The following ULBP2 variants were observed in gnomAD, a reference collection of about 807,000 sequenced individuals.
ULBP2 encodes UL16-binding protein 2.
ULBP2 carries 21 observed loss-of-function variants against 23.6 expected under a neutral mutation model. The ratio of observed to expected loss-of-function variants is 0.89; its 90% CI spans 0.63 to 1.28. ULBP2 has a LOEUF of 1.28. ULBP2 is among the 50% of genes most tolerant of loss of function. The pLI, the probability that ULBP2 is intolerant of heterozygous loss-of-function variation, is 0.00. For missense variants in ULBP2, 251 were observed against 306.0 expected (o/e 0.82, Z 1.34); for synonymous variants, 82 against 112.8 (o/e 0.73, Z 1.73).
chr6:149,943,222 T>C (rs1280729974), intron 1 of ULBP2, among the ~76,000 whole-genome samples: 1 of 152,032 alleles, frequency 6.6e-6, no homozygotes, highest in Admixed American at 6.5e-5. Flanking sequence ...ATCAGGGGAT[T>C]ACAATGTCCC....
At chr6:149,944,399 T>C (rs1778905482) in intron 1 of ULBP2, among the ~76,000 whole-genome samples, 1 of 150,000 alleles carries the variant, frequency 6.7e-6, no homozygotes, top group African/African-American at 2.5e-5. Flanking sequence ...ATTTCCATCA[T>C]TGCACCCTCC....
Position 149,944,140 on chromosome 6 carries a change from C to A in ULBP2, c.86-1169C>A, listed in dbSNP as rs574075148. The stretch of plus-strand genomic sequence containing the variant: ...CCTCACTAGAAACTGGTGTCTTCTT[C>A]TAGTCATGGGTTCAGGGTCTGAGAA... On this transcript the variant is annotated intron_variant, in intron 1 of 4. Coordinates refer to ENST00000367351, the MANE Select transcript of ULBP2 (RefSeq NM_025217.4). Among the ~76,000 whole-genome samples the A allele has an allele frequency of 4.0e-3, 614 of 152,092 alleles. 6 individuals carry two copies. The highest frequency in any genetic ancestry group is 0.013 in the African/African-American group (557 of 41,316).
In ULBP2 at chr6:149,942,049, C is replaced by T. The variant is rs761556259; in HGVS notation, c.-24C>T. 30 of 1,609,658 alleles carry T rather than the reference C, an allele frequency of 1.9e-5. No individual in the cohort carries two copies. Among genetic ancestry groups the T allele is most frequent in the Non-Finnish European group, 2.5e-5 (30 of 1,177,866 alleles). On this transcript the variant is annotated 5_prime_UTR_variant, in exon 1 of 5. Transcript: ENST00000367351. ...CAGGCTCTCCTTCCATCAAGTCTCT[C>T]ATCCCTAGCGCTCTGGGTCCTTAAT...
Position 149,942,619 on chromosome 6 carries a change from A to G in ULBP2, c.85+462A>G, listed in dbSNP as rs370126198. Among the ~76,000 whole-genome samples the G allele has an allele frequency of 4.5e-3, 690 of 151,922 alleles. 3 individuals are homozygous for G. The highest frequency in any genetic ancestry group is 0.015 in the African/African-American group (631 of 41,484). ...ACCACACAAACCCTCCAGCGCCCCCAGGGCTGCGTGCCCTTGAATTTTTCC... is the reference window on the plus strand; with the variant it reads ...ACCACACAAACCCTCCAGCGCCCCCGGGGCTGCGTGCCCTTGAATTTTTCC... On this transcript the variant is annotated intron_variant, in intron 1 of 4. Coordinates refer to ENST00000367351, the MANE Select transcript of ULBP2 (RefSeq NM_025217.4).
intron 2 of ULBP2, among the ~76,000 whole-genome samples, chr6:149,945,932 C>A (rs1421347551): frequency 3.1e-5 from 3 of 95,710 alleles, no homozygotes; most frequent in Non-Finnish European, 3.6e-5. Flanking sequence ...CAGAGTGAGA[C>A]TTTGTCTCAA....
chr6:149,945,343 C>T lies in ULBP2; in HGVS notation c.120C>T (p.Ile40=). ...PHSLCYDITV[I]PKFRPGPRWC... ...CTCTTTGCTATGACATCACCGTCAT[C>T]CCTAAGTTCAGACCTGGACCACGGT... Residue 40 remains isoleucine (I), a synonymous_variant, in exon 2 of 5, where the codon ATC becomes ATT. Coordinates refer to ENST00000367351, the MANE Select transcript of ULBP2 (RefSeq NM_025217.4). The T allele has an allele frequency of 1.9e-6, 3 of 1,611,906 alleles. No homozygotes were observed. Among genetic ancestry groups the T allele is most frequent in the South Asian group, 1.1e-5 (1 of 90,966 alleles).
Position 149,946,361 on chromosome 6 carries a change from G to A in ULBP2, c.350-11G>A. On this transcript the variant is annotated splice_polypyrimidine_tract_variant and intron_variant, in intron 2 of 4. Transcript: ENST00000367351. Reference sequence around the variant, plus strand: ...TCAAGATCAGAGCTGATCTCTCTCTGATGGGGGCAGAACCCCTCACCCTGC... The same window carrying A: ...TCAAGATCAGAGCTGATCTCTCTCTAATGGGGGCAGAACCCCTCACCCTGC... 6.2e-7 allele frequency: 1 copy of A among 1,609,096 alleles called. No individual in the cohort carries two copies. The highest frequency in any genetic ancestry group is 8.5e-7 in the Non-Finnish European group (1 of 1,176,356).
intron 2 of ULBP2, 107 bp from the exon 3 acceptor site, chr6:149,946,265 A>G (rs929917060): frequency 7.0e-7 from 1 of 1,420,604 alleles, no homozygotes; most frequent in Non-Finnish European, 9.6e-7. Context: ...GTCTAGAGGC[A>G]AGGCCAAGAT....
chr6:149,942,143 G>A lies in ULBP2; in HGVS notation c.71G>A (p.Arg24Gln). 4 of 1,610,180 alleles carry A rather than the reference G, an allele frequency of 2.5e-6. No homozygotes were observed. The highest frequency in any genetic ancestry group is 1.7e-4 in the Middle Eastern group (1 of 6,054). ...PLLLLLSGWS[R>Q]AGRADPHSLC... ...CTGCTCCTGCTGTCCGGCTGGTCCC[G>A]GGCTGGGCGAGCCGGTGAGTTCGTG... Residue 24 changes from arginine to glutamine, a missense_variant, in exon 1 of 5, where the codon CGG (arginine) becomes CAG (glutamine). Coordinates refer to ENST00000367351, the MANE Select transcript of ULBP2 (RefSeq NM_025217.4).
At chr6:149,946,304 G>T (rs1437299114) in intron 2 of ULBP2, 68 bp from the exon 3 acceptor site, 4 of 1,547,686 alleles carry the variant, frequency 2.6e-6, no homozygotes, top group Non-Finnish European at 3.5e-6. Context: ...CCAGCAAATT[G>T]TAAGGGGAAC....
rs190602383 is a variant in ULBP2, at chr6:149,946,292, G to A, written c.350-80G>A. 936 of 1,518,356 alleles carry A rather than the reference G, an allele frequency of 6.2e-4. 5 individuals are homozygous for A. In the African/African-American group the frequency reaches 0.011, roughly 18 times the overall value. 94.1% of individuals were successfully genotyped at this position (1,518,356 alleles called of 1,614,324 possible). On this transcript the variant is annotated intron_variant, in intron 2 of 4. Coordinates refer to ENST00000367351, the MANE Select transcript of ULBP2 (RefSeq NM_025217.4). ...GGCCAAGATGTAGCAGAGAGAGTAA[G>A]GCCAGCAAATTGTAAGGGGAACAGG...
rs768508249 is a variant in ULBP2, at chr6:149,946,382, C to T, written c.360C>T (p.Thr120=). The T allele has an allele frequency of 6.2e-7, 1 of 1,612,988 alleles. No individual in the cohort carries two copies. Among genetic ancestry groups the T allele is most frequent in the African/African-American group, 1.3e-5 (1 of 74,824 alleles). Residue 120 remains threonine, a synonymous_variant, in exon 3 of 5, where the codon ACC becomes ACT. Transcript: ENST00000367351. ...LENYTPKEPL[T]LQARMSCEQK... ...CTCTGATGGGGGCAGAACCCCTCAC[C>T]CTGCAGGCAAGGATGTCTTGTGAGC...
In ULBP2 at chr6:149,942,165, C is replaced by G; in HGVS notation, c.85+8C>G. The G allele has an allele frequency of 1.9e-6, 3 of 1,612,830 alleles. No homozygotes were observed. Among genetic ancestry groups the G allele is most frequent in the Non-Finnish European group, 2.5e-6 (3 of 1,179,576 alleles). ...CCCGGGCTGGGCGAGCCGGTGAGTT[C>G]GTGGATGGAGCCTAAGCCGGGCGGG... On this transcript the variant is annotated splice_region_variant and intron_variant, in intron 1 of 4. Coordinates refer to ENST00000367351, the MANE Select transcript of ULBP2 (RefSeq NM_025217.4).
chr6:149,948,730 C>G lies in ULBP2; in HGVS notation c.*30C>G, dbSNP rs149701853. On this transcript the variant is annotated 3_prime_UTR_variant, in exon 5 of 5. Transcript: ENST00000367351. Reference sequence around the variant, plus strand: ...TTTGTGTCCTTTCTGAAGGTTAAAGCTGATACCAAAAGGCTCCTGTGAGCA... The same window carrying G: ...TTTGTGTCCTTTCTGAAGGTTAAAGGTGATACCAAAAGGCTCCTGTGAGCA... 1.6e-3 allele frequency: 736 copies of G among 456,680 alleles called. 4 individuals are homozygous for G. Among genetic ancestry groups the G allele is most frequent in the African/African-American group, 0.014 (678 of 50,156 alleles). The allele number at this position is 456,680 out of a possible 1,614,324, so 28.3% of individuals were successfully genotyped here.
intron 1 of ULBP2, among the ~76,000 whole-genome samples, chr6:149,942,614 C>A (rs537034606): frequency 4.6e-5 from 7 of 152,126 alleles, no homozygotes; most frequent in Admixed American, 4.6e-4. Flanking sequence ...CCCTCCAGCG[C>A]CCCCAGGGCT....
intron 4 of ULBP2, among the ~76,000 whole-genome samples, chr6:149,947,961 G>A (rs374945893): frequency 6.6e-6 from 1 of 152,272 alleles, no homozygotes; most frequent in East Asian, 1.9e-4. Flanking sequence ...GAAAAGGAGG[G>A]AGTGCAGGGC....
Position 149,946,582 on chromosome 6 carries a change from TG to T in ULBP2, c.563del (p.Gly188GlufsTer4). The T allele has an allele frequency of 6.2e-7, 1 of 1,614,118 alleles. No homozygotes were observed. The highest frequency in any genetic ancestry group is 8.5e-7 in the Non-Finnish European group (1 of 1,180,020). On this transcript the variant is annotated frameshift_variant, in exon 3 of 5. Transcript: ENST00000367351. LOFTEE classifies it high-confidence loss of function. The part of the protein sequence containing the change: ...VVAMSFHYFS[M>X]GDCIGWLEDF... ...GCCATGTCCTTCCATTACTTCTCAA[TG>T]GGAGACTGTATAGGATGGCTTGAGG... is the stretch of plus-strand genomic sequence containing the variant.
At chr6:149,947,239 C>T in intron 3 of ULBP2, 81 bp from the exon 4 acceptor site, 2 of 1,567,050 alleles carry the variant, frequency 1.3e-6, no homozygotes, top group East Asian at 4.6e-5. Flanking sequence ...CCAGGATGAC[C>T]TAGGGTGGCA....
At chr6:149,945,031 A>C (rs1778913125) in intron 1 of ULBP2, among the ~76,000 whole-genome samples, 1 of 151,424 alleles carries the variant, frequency 6.6e-6, no homozygotes, top group Non-Finnish European at 1.5e-5. Context: ...CTTTCTAGCA[A>C]GGTCACGTGT....
Sources: gnomAD v4.1 joint callset for allele counts (sites outside exome capture counted in the v4.1 genomes callset) on GRCh38, gnomAD v4.1.1 for gene constraint, MANE v1.5 for transcripts, NCBI Gene and HGNC (gene_info 2026-07-23, HGNC 2026-07-21) for gene names.